SMIM31: variants seen among roughly 807,000 people sequenced by gnomAD.
The protein encoded by SMIM31 is human epithelial cell program regulator.
intron 2 of SMIM31, among the ~76,000 whole-genome samples, chr4:164,788,472 A>ATTTTTTTTTTT (rs1187569698): frequency 1.7e-4 from 10 of 60,502 alleles, no homozygotes; most frequent in African/African-American, 1.9e-4. Context: ...CTTTCTTCTA[A>ATTTTTTTTTTT]TTTTTCTTTT....
At chr4:164,763,451 A>C (rs928237832) in intron 1 of SMIM31, among the ~76,000 whole-genome samples, 1 of 152,196 alleles carries the variant, frequency 6.6e-6, no homozygotes, top group African/African-American at 2.4e-5. Flanking sequence ...GAATTTTTAA[A>C]AATGAACCAA....
intron 2 of SMIM31, among the ~76,000 whole-genome samples, chr4:164,789,247 G>T (rs1295769898): frequency 6.6e-6 from 1 of 152,186 alleles, no homozygotes; most frequent in African/African-American, 2.4e-5. Context: ...GCAGAAACAG[G>T]TCTGTCAGCA....
rs779023276 is a variant in SMIM31 at position 164,758,622 on chromosome 4, C to CTTTT, written c.-26+4215_-26+4218dup. ...GGAAATGACCATATATGTAGTTTTC[C>CTTTT]TTTTTTTGTTTTTTTTTTTTTTTTT... On this transcript the variant is annotated intron_variant, in intron 1 of 2. Coordinates refer to ENST00000507311, the MANE Select transcript of SMIM31 (RefSeq NM_001352885.1). Among the ~76,000 whole-genome samples, 446 of 105,350 alleles carry CTTTT rather than the reference C, an allele frequency of 4.2e-3. 42 individuals are homozygous for CTTTT. The highest frequency in any genetic ancestry group is 5.9e-3 in the Non-Finnish European group (301 of 51,272). 69.1% of individuals were successfully genotyped at this position (105,350 alleles called of 152,430 possible).
intron 2 of SMIM31, among the ~76,000 whole-genome samples, chr4:164,773,531 C>G (rs1463308487): frequency 6.6e-6 from 1 of 152,128 alleles, no homozygotes; most frequent in East Asian, 1.9e-4. Context: ...GGGGGAAAGG[C>G]CCTTATAAAA....
At chr4:164,784,109 G>C (rs759174912) in intron 2 of SMIM31, among the ~76,000 whole-genome samples, 6 of 152,166 alleles carry the variant, frequency 3.9e-5, no homozygotes, top group African/African-American at 7.2e-5. Context: ...TACAACTAAC[G>C]ATGAAGAAAG....
chr4:164,758,839 TTTG>T (rs1459605991), intron 1 of SMIM31, among the ~76,000 whole-genome samples: 3 of 66,586 alleles, frequency 4.5e-5, no homozygotes, highest in African/African-American at 1.4e-4. Flanking sequence ...TTTTTTTTTT[TTTG>T]TATTTTTAGT....
chr4:164,780,981 T>A (rs1732942004), intron 2 of SMIM31, among the ~76,000 whole-genome samples: 1 of 152,092 alleles, frequency 6.6e-6, no homozygotes, highest in African/African-American at 2.4e-5. Flanking sequence ...GGCTATTTTT[T>A]AATTTTGGTA....
chr4:164,757,323 C>T (rs890195254), intron 1 of SMIM31, among the ~76,000 whole-genome samples: 9 of 152,130 alleles, frequency 5.9e-5, no homozygotes, highest in Admixed American at 2.6e-4. Flanking sequence ...ACAAGTTCTT[C>T]GTCAAATATG....
At position 164,797,684 on chromosome 4, in the gene SMIM31, G is replaced by A. The variant is rs62353565; in HGVS notation, c.113-3407G>A. On this transcript the variant is annotated intron_variant, in intron 2 of 2. Transcript: ENST00000507311. ...TCACCATTTTGGCCAGGCTAGTCTT[G>A]AACTCCTGACCTCAGGTGATCAGCC... Among the ~76,000 whole-genome samples the A allele has an allele frequency of 3.3e-3, 501 of 152,072 alleles. 2 individuals are homozygous for A. The highest frequency in any genetic ancestry group is 3.8e-3 in the Non-Finnish European group (260 of 67,996).
At chr4:164,790,956 T>C (rs1350187096) in intron 2 of SMIM31, among the ~76,000 whole-genome samples, 1 of 152,220 alleles carries the variant, frequency 6.6e-6, no homozygotes, top group Non-Finnish European at 1.5e-5. Context: ...CAGCTAATTA[T>C]TTGCAGATCT....
chr4:164,788,032 A>T (rs1324930816), intron 2 of SMIM31, among the ~76,000 whole-genome samples: 1 of 152,142 alleles, frequency 6.6e-6, no homozygotes, highest in Non-Finnish European at 1.5e-5. Flanking sequence ...TCTCCCCACC[A>T]TCCTCAGTTT....
intron 2 of SMIM31, among the ~76,000 whole-genome samples, chr4:164,787,669 GA>G (rs1733043250): frequency 6.6e-6 from 1 of 151,508 alleles, no homozygotes; most frequent in East Asian, 1.9e-4. Flanking sequence ...TTGGATAATG[GA>G]AATTCTAGAT....
At chr4:164,794,100 G>A (rs987884768) in intron 2 of SMIM31, among the ~76,000 whole-genome samples, 7 of 152,166 alleles carry the variant, frequency 4.6e-5, no homozygotes, top group African/African-American at 1.4e-4. Flanking sequence ...CAACCTGCCA[G>A]GCACAGTGGC....
chr4:164,760,082 G>A (rs1732625438), intron 1 of SMIM31, among the ~76,000 whole-genome samples: 1 of 152,150 alleles, frequency 6.6e-6, no homozygotes, highest in Non-Finnish European at 1.5e-5. Context: ...CTGGAGTGAA[G>A]GAGCAAAAGC....
intron 2 of SMIM31, among the ~76,000 whole-genome samples, chr4:164,780,565 T>C (rs1385888277): frequency 6.6e-6 from 1 of 152,256 alleles, no homozygotes; most frequent in African/African-American, 2.4e-5. Flanking sequence ...TATTTTAAAA[T>C]AGAAGCTGTA....
At chr4:164,757,324 G>A (rs62352413) in intron 1 of SMIM31, among the ~76,000 whole-genome samples, 17,472 of 151,996 alleles carry the variant, frequency 0.11, 1,122 homozygotes, top group African/African-American at 0.16. Flanking sequence ...CAAGTTCTTC[G>A]TCAAATATGC....
At position 164,801,277 on chromosome 4, in the gene SMIM31, G is replaced by A. The variant is rs937184067; in HGVS notation, c.*83G>A. 21 of 397,638 alleles carry A rather than the reference G, an allele frequency of 5.3e-5. No individual in the cohort carries two copies. In the East Asian group the frequency reaches 6.4e-4, roughly 12 times the overall value. The allele number at this position is 397,638 out of a possible 1,614,324, so 24.6% of individuals were successfully genotyped here. A position where few individuals can be genotyped will look rare whatever the true frequency, so the allele number is the denominator to read the frequency against. ...ACTTATCCACAGTTACACAAGAGGA[G>A]GGGATAATGAAGAAAGTTAAAATCA... On this transcript the variant is annotated 3_prime_UTR_variant, in exon 3 of 3. Coordinates refer to ENST00000507311, the MANE Select transcript of SMIM31 (RefSeq NM_001352885.1).
intron 1 of SMIM31, among the ~76,000 whole-genome samples, chr4:164,770,203 C>G (rs1451854926): frequency 6.6e-6 from 1 of 151,880 alleles, no homozygotes; most frequent in Non-Finnish European, 1.5e-5. Context: ...TTTCTAGGCT[C>G]TCTTCCAATC....
chr4:164,783,091 G>A (rs919016590), intron 2 of SMIM31, among the ~76,000 whole-genome samples: 9 of 151,508 alleles, frequency 5.9e-5, no homozygotes, highest in South Asian at 4.2e-4. Context: ...GTTGGCACAC[G>A]CTTGTAGTCC....
Sources: gnomAD v4.1 joint callset for allele counts (sites outside exome capture counted in the v4.1 genomes callset) on GRCh38, gnomAD v4.1.1 for gene constraint, MANE v1.5 for transcripts, NCBI Gene and HGNC (gene_info 2026-07-23, HGNC 2026-07-21) for gene names.